Variants in UBASH3B observed in about 807,000 individuals in gnomAD.
UBASH3B encodes the protein ubiquitin-associated and SH3 domain-containing protein B.
Under a neutral mutation model 83.4 loss-of-function variants are expected in UBASH3B, and 37 were observed. That is an observed-to-expected ratio of 0.44 (90% CI 0.34 to 0.58). The LOEUF (loss-of-function observed/expected upper bound fraction) is 0.58, where lower values mean the gene tolerates loss of function less well. Among genes scored for constraint, UBASH3B ranks in the 20% least tolerant of loss-of-function variants. The pLI, the probability that UBASH3B is intolerant of heterozygous loss-of-function variation, is 0.01. For synonymous variants in UBASH3B, 304 were observed against 318.3 expected (o/e 0.96, Z 0.48); for missense variants, 657 against 827.2 (o/e 0.79, Z 2.52).
rs191144085 is a variant in UBASH3B at position 122,778,012 on chromosome 11, G to A, written c.402+802G>A. On this transcript the variant is annotated intron_variant, in intron 3 of 13. Transcript: ENST00000284273. Reference sequence around the variant, plus strand: ...CCCAAAGTGCTGGGATTATAGGCATGAGCCACCATGCCTGGCCTCTACTGA... The same window carrying A: ...CCCAAAGTGCTGGGATTATAGGCATAAGCCACCATGCCTGGCCTCTACTGA... Among the ~76,000 whole-genome samples, 869 of 151,812 alleles carry A rather than the reference G, an allele frequency of 5.7e-3. 3 individuals carry two copies. The highest frequency in any genetic ancestry group is 9.0e-3 in the Non-Finnish European group (614 of 67,938).
intron 1 of UBASH3B, among the ~76,000 whole-genome samples, chr11:122,666,252 G>A (rs913725364): frequency 3.9e-5 from 6 of 152,232 alleles, no homozygotes; most frequent in Non-Finnish European, 5.9e-5. Flanking sequence ...TACAGAGAGC[G>A]TTCGCTCCCT....
At chr11:122,672,537 G>T (rs536733671) in intron 1 of UBASH3B, among the ~76,000 whole-genome samples, 1 of 152,224 alleles carries the variant, frequency 6.6e-6, no homozygotes, top group South Asian at 2.1e-4. Context: ...TGTTGGCCAG[G>T]CTGATCTCGA....
intron 1 of UBASH3B, among the ~76,000 whole-genome samples, chr11:122,756,579 G>C (rs1372579871): frequency 3.3e-5 from 5 of 152,162 alleles, no homozygotes; most frequent in Non-Finnish European, 7.4e-5. Context: ...TCTATCAAAG[G>C]CTGTGGTGCC....
chr11:122,739,198 C>T (rs530930474), intron 1 of UBASH3B, among the ~76,000 whole-genome samples: 3 of 152,190 alleles, frequency 2.0e-5, no homozygotes, highest in Non-Finnish European at 2.9e-5. Flanking sequence ...GGTCTCACTA[C>T]GATGCCCAGA....
intron 1 of UBASH3B, among the ~76,000 whole-genome samples, chr11:122,716,961 G>A (rs553323508): frequency 6.6e-5 from 10 of 152,140 alleles, no homozygotes; most frequent in African/African-American, 2.2e-4. Context: ...CCCTTCTCCC[G>A]TCCTGTCTAA....
Position 122,798,984 on chromosome 11 carries a change from A to G in UBASH3B, c.1400A>G (p.Tyr467Cys), listed in dbSNP as rs957552071. The G allele has an allele frequency of 1.2e-6, 2 of 1,613,896 alleles. No individual in the cohort carries two copies. Among genetic ancestry groups the G allele is most frequent in the African/African-American group, 2.7e-5 (2 of 74,870 alleles). ...AGCAATACCATTATCGATCATGTCT[A>G]TTGCTCCCCGTCCCTTCGCTGCGTT... ...LESNTIIDHV[Y>C]CSPSLRCVQT... The change falls in exon 10 of 14, where the codon TAT becomes TGT. Residue 467 changes from tyrosine (Y) to cysteine (C), a missense_variant. By Grantham distance (194) the Tyr-to-Cys change is radical (BLOSUM62 -2). Transcript: ENST00000284273.
At chr11:122,738,630 T>G (rs958964965) in intron 1 of UBASH3B, among the ~76,000 whole-genome samples, 9 of 152,332 alleles carry the variant, frequency 5.9e-5, no homozygotes, top group Admixed American at 1.3e-4. Context: ...GGCTCACGCC[T>G]GTAATCCTAG....
chr11:122,662,972 CTTT>C (rs568564848), intron 1 of UBASH3B, among the ~76,000 whole-genome samples: 21,288 of 108,970 alleles, frequency 0.2, 1,061 homozygotes, highest in Non-Finnish European at 0.22. Flanking sequence ...GCGCTAATGT[CTTT>C]TTTTTTTTTT....
rs555124847 is a variant in UBASH3B, at chr11:122,748,973, C to T, written c.162-27246C>T. ...CTGCCAGAACCCTCAACTTTGGCTACGCCTACATGGAGAATGTTTTCATGG... is the reference window on the plus strand; with the variant it reads ...CTGCCAGAACCCTCAACTTTGGCTATGCCTACATGGAGAATGTTTTCATGG... On this transcript the variant is annotated intron_variant, in intron 1 of 13. Transcript: ENST00000284273. Among the ~76,000 whole-genome samples, 590 of 152,324 alleles carry T rather than the reference C, an allele frequency of 3.9e-3. 4 individuals are homozygous for T. Among genetic ancestry groups the T allele is most frequent in the Non-Finnish European group, 6.2e-3 (423 of 68,032 alleles).
intron 1 of UBASH3B, among the ~76,000 whole-genome samples, chr11:122,688,650 A>ATTTAT (rs1863841964): frequency 1.4e-5 from 1 of 72,592 alleles, no homozygotes; most frequent in African/African-American, 3.9e-5. Context: ...ATTTTATTTT[A>ATTTAT]TTTTATTTTT....
chr11:122,802,470 G>GT (rs1228142492), intron 11 of UBASH3B, among the ~76,000 whole-genome samples: 1 of 152,120 alleles, frequency 6.6e-6, no homozygotes, highest in Non-Finnish European at 1.5e-5. Context: ...GGCAGAGTTT[G>GT]TAACAAGTGG....
At chr11:122,733,611 C>G (rs1336632635) in intron 1 of UBASH3B, among the ~76,000 whole-genome samples, 1 of 152,166 alleles carries the variant, frequency 6.6e-6, no homozygotes, top group Non-Finnish European at 1.5e-5. Context: ...TTCGCAGCTG[C>G]CTTCATTGAT....
At chr11:122,726,620 C>T (rs1247444086) in intron 1 of UBASH3B, among the ~76,000 whole-genome samples, 3 of 152,156 alleles carry the variant, frequency 2.0e-5, no homozygotes, top group African/African-American at 4.8e-5. Context: ...AAGTTGCTGG[C>T]ATGAGCCACT....
intron 1 of UBASH3B, among the ~76,000 whole-genome samples, chr11:122,769,010 T>C (rs1221327077): frequency 3.9e-5 from 6 of 152,122 alleles, no homozygotes; most frequent in Non-Finnish European, 8.8e-5. Context: ...GCTTCATAAG[T>C]TTGTCATGAG....
Position 122,711,981 on chromosome 11 carries a change from C to T in UBASH3B, c.161+55771C>T, listed in dbSNP as rs145365104. On this transcript the variant is annotated intron_variant, in intron 1 of 13. Coordinates refer to ENST00000284273, the MANE Select transcript of UBASH3B (RefSeq NM_032873.5). ...CATAAAGACCATCTAGAAAGGACAG[C>T]CCGCAGCTTCCCCTTGGTTTGAAGC... Among the ~76,000 whole-genome samples, 1,132 of 151,968 alleles carry T rather than the reference C, an allele frequency of 7.4e-3. 8 individuals are homozygous for T. Among genetic ancestry groups the T allele is most frequent in the African/African-American group, 0.024 (1,005 of 41,448 alleles).
chr11:122,766,134 G>A (rs992126583), intron 1 of UBASH3B, among the ~76,000 whole-genome samples: 7 of 152,204 alleles, frequency 4.6e-5, no homozygotes, highest in African/African-American at 1.7e-4. Context: ...TGAGGGAGAA[G>A]CATCTCCAAG....
At chr11:122,679,580 C>A (rs1235756266) in intron 1 of UBASH3B, among the ~76,000 whole-genome samples, 1 of 152,172 alleles carries the variant, frequency 6.6e-6, no homozygotes, top group East Asian at 1.9e-4. Flanking sequence ...GTCTGGGACA[C>A]CTTGATCTCT....
At chr11:122,732,585 A>G (rs1860861114) in intron 1 of UBASH3B, among the ~76,000 whole-genome samples, 1 of 152,168 alleles carries the variant, frequency 6.6e-6, no homozygotes, top group South Asian at 2.1e-4. Context: ...TATTTCCTGC[A>G]ACTTGTAAAA....
intron 1 of UBASH3B, among the ~76,000 whole-genome samples, chr11:122,747,869 C>T (rs1296079137): frequency 2.6e-5 from 4 of 152,156 alleles, no homozygotes; most frequent in Non-Finnish European, 4.4e-5. Context: ...CTTGAGTGAG[C>T]TATTTAACCT....
Sources: allele counts gnomAD v4.1 joint callset (sites outside exome capture counted in the v4.1 genomes callset), GRCh38; gene constraint gnomAD v4.1.1; transcripts MANE v1.5; gene names NCBI Gene and HGNC (gene_info 2026-07-23, HGNC 2026-07-21).